The following PLCD3 variants were observed in gnomAD, a reference collection of about 807,000 sequenced individuals.
PLCD3 encodes the protein 1-phosphatidylinositol 4,5-bisphosphate phosphodiesterase delta-3.
PLCD3 carries 62 observed loss-of-function variants against 82.8 expected under a neutral mutation model. The observed-to-expected ratio is 0.75, with a 90% CI of 0.61 to 0.93. PLCD3 has a LOEUF of 0.93. PLCD3 is among the 40% of genes least tolerant of loss of function. PLCD3 has a pLI of 0.00. For synonymous variants in PLCD3, 478 were observed against 471.8 expected, an observed-to-expected ratio of 1.01 and a Z score of -0.17; for missense variants, 1,023 against 1,103.4, an observed-to-expected ratio of 0.93 and a Z score of 1.03.
At chr17:45,120,492 T>C in intron 3 of PLCD3, 38 bp from the exon 4 acceptor site, 1 of 1,612,948 alleles carries the variant, frequency 6.2e-7, no homozygotes, top group Non-Finnish European at 8.5e-7. Context: ...CACGCCAGGC[T>C]GCCCCCAGCC....
intron 1 of PLCD3, among the ~76,000 whole-genome samples, chr17:45,122,713 T>G (rs918970466): frequency 2.0e-5 from 3 of 152,222 alleles, no homozygotes; most frequent in African/African-American, 7.2e-5. Flanking sequence ...TGACCGACAC[T>G]GTGCCCCGGA....
chr17:45,115,295 G>C (rs1426331303), intron 9 of PLCD3, 49 bp downstream of exon 9: 2 of 1,527,120 alleles, frequency 1.3e-6, no homozygotes, highest in Non-Finnish European at 1.8e-6. Context: ...TCCCACATCC[G>C]TCCTCCCACC....
intron 1 of PLCD3, among the ~76,000 whole-genome samples, chr17:45,127,195 C>T (rs187985116): frequency 3.9e-5 from 6 of 152,276 alleles, no homozygotes; most frequent in East Asian, 1.9e-4. Flanking sequence ...GTTAGTGCCC[C>T]GGGTGGAAAG....
intron 10 of PLCD3, 57 bp from the exon 11 acceptor site, chr17:45,114,423 C>A (rs777629455): frequency 2.2e-4 from 318 of 1,417,316 alleles, no homozygotes; most frequent in Non-Finnish European, 3.0e-4. Flanking sequence ...CACCCAAAGC[C>A]CCGGCCTGTA....
chr17:45,114,228 C>A, intron 11 of PLCD3, 22 bp downstream of exon 11: 1 of 1,510,012 alleles, frequency 6.6e-7, no homozygotes, highest in Non-Finnish European at 8.9e-7. Context: ...CGCCTGCTCT[C>A]ATTCCTGTGG....
At chr17:45,120,528 C>T in intron 3 of PLCD3, 74 bp from the exon 4 acceptor site, 1 of 1,598,516 alleles carries the variant, frequency 6.3e-7, no homozygotes, top group Admixed American at 1.7e-5. Flanking sequence ...GGTAAGTCAC[C>T]CCCACCTGGG....
chr17:45,116,786 T>C lies in PLCD3; in HGVS notation c.1261-2A>G. 6.3e-7 allele frequency: 1 copy of C among 1,588,236 alleles called. No individual in the cohort carries two copies. Among genetic ancestry groups the C allele is most frequent in the Non-Finnish European group, 8.6e-7 (1 of 1,165,564 alleles). Reference sequence around the variant, plus strand: ...TAGGATGACAGGGTAAGGGGACAGCTGTGGGGGGAAGGGCAGCAGCTCAGA... The same window carrying C: ...TAGGATGACAGGGTAAGGGGACAGCCGTGGGGGGAAGGGCAGCAGCTCAGA... On this transcript the variant is annotated splice_acceptor_variant, in intron 7 of 14. Coordinates refer to ENST00000619929, the MANE Select transcript of PLCD3 (RefSeq NM_133373.5). LOFTEE classifies it high-confidence loss of function.
intron 11 of PLCD3, 143 bp from the exon 12 acceptor site, chr17:45,113,748 G>C: frequency 9.3e-7 from 1 of 1,077,592 alleles, no homozygotes; most frequent in Non-Finnish European, 1.3e-6. Flanking sequence ...ATGACTTTAG[G>C]GGAGGGGGTC....
chr17:45,117,870 G>A lies in PLCD3; in HGVS notation c.1260+124C>T, dbSNP rs537097485. Reference sequence around the variant, plus strand: ...TTGGCCACTTATCCCAGCAGCACTTGGTGAATGAATGATTCTCTGGGCAAG... The same window carrying A: ...TTGGCCACTTATCCCAGCAGCACTTAGTGAATGAATGATTCTCTGGGCAAG... On this transcript the variant is annotated intron_variant, in intron 7 of 14. Coordinates refer to ENST00000619929, the MANE Select transcript of PLCD3 (RefSeq NM_133373.5). 32 of 1,308,894 alleles carry A rather than the reference G, an allele frequency of 2.4e-5. No homozygotes were observed. In the Admixed American group the frequency reaches 4.0e-4, roughly 17 times the overall value. The allele number at this position is 1,308,894 out of a possible 1,614,324, so 81.1% of individuals were successfully genotyped here.
chr17:45,120,991 G>A lies in PLCD3; in HGVS notation c.465C>T (p.Pro155=). 4 of 1,533,512 alleles carry A rather than the reference G, an allele frequency of 2.6e-6. No homozygotes were observed. The highest frequency in any genetic ancestry group is 3.5e-6 in the Non-Finnish European group (4 of 1,147,184). The allele number at this position is 1,533,512 out of a possible 1,614,324, so 95.0% of individuals were successfully genotyped here. A position where few individuals can be genotyped will look rare whatever the true frequency, so the allele number is the denominator to read the frequency against. Residue 155 remains proline (P), a synonymous_variant, in exon 3 of 15, where the codon CCC becomes CCT. Coordinates refer to ENST00000619929, the MANE Select transcript of PLCD3 (RefSeq NM_133373.5). ...CCCAGCGCTGCGCTTCCTCAGCCGT[G>A]GGCGCCGCCAGGTCCAGGTTCTTGC... The part of the protein sequence containing the change: ...GRRKNLDLAA[P]TAEEAQRWVR...
At chr17:45,115,316 T>TCCCCCCCCCCCCCCCCC in intron 9 of PLCD3, 28 bp downstream of exon 9, 1 of 1,474,956 alleles carries the variant, frequency 6.8e-7, no homozygotes, top group Admixed American at 2.3e-5. Flanking sequence ...TTCCCCCCCT[T>TCCCCCCCCCCCCCCCCC]CCCCACCCCA....
Position 45,111,248 on chromosome 17 carries a change from G to A in PLCD3, c.*1368C>T, listed in dbSNP as rs1293320889. 6.6e-6 allele frequency: 1 copy of A among 152,222 alleles called. No homozygotes were observed. Among genetic ancestry groups the A allele is most frequent in the African/African-American group, 2.4e-5 (1 of 41,442 alleles). 9.4% of individuals were successfully genotyped at this position (152,222 alleles called of 1,614,324 possible). On this transcript the variant is annotated 3_prime_UTR_variant, in exon 15 of 15. Transcript: ENST00000619929. ...GCTGGCTGGAGGAAGGGAAGCCCGTGTCCTTGGGATTTGCCCTACTGAGCA... is the reference window on the plus strand; with the variant it reads ...GCTGGCTGGAGGAAGGGAAGCCCGTATCCTTGGGATTTGCCCTACTGAGCA...
At position 45,115,333 on chromosome 17, in the gene PLCD3, C is replaced by G; in HGVS notation, c.1560+11G>C. 1 of 1,515,104 alleles carries G rather than the reference C, an allele frequency of 6.6e-7. No homozygotes were observed. Among genetic ancestry groups the G allele is most frequent in the South Asian group, 1.2e-5 (1 of 83,516 alleles). 93.9% of individuals were successfully genotyped at this position (1,515,104 alleles called of 1,614,324 possible). On this transcript the variant is annotated intron_variant, in intron 9 of 14. Transcript: ENST00000619929. ...CCCCCCCTTCCCCACCCCACCCATC[C>G]CAGCTCTCACCAGCCGCCTCTGCGC... is the stretch of plus-strand genomic sequence containing the variant.
intron 14 of PLCD3, 62 bp downstream of exon 14, chr17:45,112,801 G>A: frequency 1.2e-6 from 2 of 1,601,572 alleles, no homozygotes; most frequent in East Asian, 2.3e-5. Context: ...AGGCACAAAG[G>A]TGAACAGGGT....
intron 11 of PLCD3, 72 bp downstream of exon 11, chr17:45,114,178 G>A: frequency 2.7e-6 from 3 of 1,124,762 alleles, no homozygotes; most frequent in Non-Finnish European, 3.7e-6. Context: ...AGGCTGTGTG[G>A]GCCCCTCACT....
Position 45,118,630 on chromosome 17 carries a change from T to A in PLCD3, c.914-138A>T. ...TAGACTCCATGTAAGTCATGCCACT[T>A]AACCTTCGACCAGACCCTGGGAGGA... On this transcript the variant is annotated intron_variant, in intron 5 of 14. Transcript: ENST00000619929. This position sits in a 1 kb window ranked among gnomAD's most constrained non-coding sequence, Gnocchi z 4.1. The A allele has an allele frequency of 8.6e-7, 1 of 1,165,806 alleles. No individual in the cohort carries two copies. Among genetic ancestry groups the A allele is most frequent in the Non-Finnish European group, 1.2e-6 (1 of 828,398 alleles). The allele number at this position is 1,165,806 out of a possible 1,614,324, so 72.2% of individuals were successfully genotyped here.
chr17:45,117,023 C>T (rs574334831), intron 7 of PLCD3, among the ~76,000 whole-genome samples: 2 of 152,224 alleles, frequency 1.3e-5, no homozygotes, highest in South Asian at 4.1e-4. Flanking sequence ...CAGCTCACTA[C>T]AATTCCATCT....
rs534174705 is a variant in PLCD3 at position 45,109,956 on chromosome 17, T to C, written c.*2660A>G. ...AGCCGGGCATGGTGGTGGGCGCCTGTAGTCCCAGCTACTTGGGAAGCTGAG... is the reference window on the plus strand; with the variant it reads ...AGCCGGGCATGGTGGTGGGCGCCTGCAGTCCCAGCTACTTGGGAAGCTGAG... On this transcript the variant is annotated 3_prime_UTR_variant, in exon 15 of 15. Coordinates refer to ENST00000619929, the MANE Select transcript of PLCD3 (RefSeq NM_133373.5). 2.8e-4 allele frequency: 43 copies of C among 152,328 alleles called. No individual in the cohort carries two copies. The highest frequency in any genetic ancestry group is 9.9e-4 in the African/African-American group (41 of 41,526). 9.4% of individuals were successfully genotyped at this position (152,328 alleles called of 1,614,324 possible).
At chr17:45,119,071 G>A (rs1177760318) in intron 4 of PLCD3, 28 bp from the exon 5 acceptor site, 6 of 1,557,908 alleles carry the variant, frequency 3.9e-6, no homozygotes, top group Non-Finnish European at 5.2e-6. Context: ...AAGCTCAGAG[G>A]AGGCAGACAC....
Sources: allele counts gnomAD v4.1 joint callset (sites outside exome capture counted in the v4.1 genomes callset), GRCh38; gene constraint gnomAD v4.1.1; non-coding constraint Gnocchi (gnomAD v3.1); transcripts MANE v1.5; gene names NCBI Gene and HGNC (gene_info 2026-07-23, HGNC 2026-07-21).